The following CDK3 variants were observed in gnomAD, a reference collection of about 807,000 sequenced individuals.
The protein encoded by CDK3 is cyclin dependent kinase 3, also known as cyclin-dependent kinase 3.
A neutral mutation model predicts 30.2 loss-of-function variants in CDK3; 24 were observed. The observed-to-expected ratio is 0.79, with a 90% CI of 0.57 to 1.12. The LOEUF (loss-of-function observed/expected upper bound fraction) is 1.12. Ranked by LOEUF, CDK3 falls within the 50% of genes most tolerant of loss-of-function variation. CDK3 has a pLI of 0.00. For missense variants in CDK3, 345 were observed against 376.0 expected, an observed-to-expected ratio of 0.92 and a Z score of 0.68; for synonymous variants, 158 against 154.2, an observed-to-expected ratio of 1.02 and a Z score of -0.18.
At position 76,001,182 on chromosome 17, in the gene CDK3, G is replaced by T; in HGVS notation, c.-15+215G>T. ...CTGGCTGAACTGGGCTGGGTGAAGG[G>T]GGCCCCCTGACCCCCTTGGGGTCCG... On this transcript the variant is annotated intron_variant, in intron 1 of 7. Transcript: ENST00000448471. The surrounding 1 kb of genome is among the most constrained non-coding windows in gnomAD (Gnocchi z 6.2). 7.3e-7 allele frequency: 1 copy of T among 1,361,614 alleles called. No homozygotes were observed. Among genetic ancestry groups the T allele is most frequent in the Non-Finnish European group, 9.5e-7 (1 of 1,054,132 alleles). 84.3% of individuals were successfully genotyped at this position (1,361,614 alleles called of 1,614,324 possible). A position where few individuals can be genotyped will look rare whatever the true frequency, so the allele number is the denominator to read the frequency against.
Position 76,005,350 on chromosome 17 carries a change from C to G in CDK3, c.845C>G (p.Ala282Gly). Residue 282 changes from alanine to glycine, a missense_variant, in exon 8 of 8, where the codon GCC becomes GGC. Coordinates refer to ENST00000448471, the MANE Select transcript of CDK3 (RefSeq NM_001258.4). The surrounding 1 kb of genome is among the most constrained non-coding windows in gnomAD (Gnocchi z 4.7). The stretch of plus-strand genomic sequence containing the variant: ...CGGATCACAGCCAAGACTGCCCTGG[C>G]CCACCCGTACTTCTCATCCCCTGAG... ...SQRITAKTAL[A>G]HPYFSSPEPS... The G allele has an allele frequency of 6.2e-7, 1 of 1,614,114 alleles. No homozygotes were observed. The highest frequency in any genetic ancestry group is 1.1e-5 in the South Asian group (1 of 91,084).
chr17:76,001,848 C>T lies in CDK3; in HGVS notation c.117-26C>T. 1 of 1,606,542 alleles carries T rather than the reference C, an allele frequency of 6.2e-7. No homozygotes were observed. Among genetic ancestry groups the T allele is most frequent in the Non-Finnish European group, 8.5e-7 (1 of 1,174,368 alleles). On this transcript the variant is annotated intron_variant, in intron 2 of 7. Transcript: ENST00000448471. The surrounding 1 kb of genome is among the most constrained non-coding windows in gnomAD (Gnocchi z 6.2). Reference sequence around the variant, plus strand: ...GCCCTTCTTGGCCCAAGTCTCTGCCCACGGCTGTGCCCTTGTTTCTTGCAG... The same window carrying T: ...GCCCTTCTTGGCCCAAGTCTCTGCCTACGGCTGTGCCCTTGTTTCTTGCAG...
In CDK3 at chr17:76,001,704, T is replaced by C. The variant is rs1013831167; in HGVS notation, c.116+163T>C. On this transcript the variant is annotated intron_variant, in intron 2 of 7. Coordinates refer to ENST00000448471, the MANE Select transcript of CDK3 (RefSeq NM_001258.4). The surrounding 1 kb of genome is among the most constrained non-coding windows in gnomAD (Gnocchi z 6.2). The stretch of plus-strand genomic sequence containing the variant: ...CAGTTCACTGCCTTCTGACCAGCCT[T>C]TGCCGGGGCCCTGACTGTGGAGTTT... 3 of 893,992 alleles carry C rather than the reference T, an allele frequency of 3.4e-6. No homozygotes were observed. Among genetic ancestry groups the C allele is most frequent in the African/African-American group, 1.7e-5 (1 of 59,418 alleles). The allele number at this position is 893,992 out of a possible 1,614,324, so 55.4% of individuals were successfully genotyped here.
At position 76,005,059 on chromosome 17, in the gene CDK3, G is replaced by A. The variant is rs2066300423; in HGVS notation, c.793-239G>A. On this transcript the variant is annotated intron_variant, in intron 7 of 7. Coordinates refer to ENST00000448471, the MANE Select transcript of CDK3 (RefSeq NM_001258.4). The surrounding 1 kb of genome is among the most constrained non-coding windows in gnomAD (Gnocchi z 4.7). The stretch of plus-strand genomic sequence containing the variant: ...CAGGCTGGGACCTGGGACCCTCCCC[G>A]AGAAGGGGGGTGACTCAGCTTCAGT... 6.6e-6 allele frequency among the ~76,000 whole-genome samples: 1 copy of A among 152,150 alleles called. No homozygotes were observed. The highest frequency in any genetic ancestry group is 2.4e-5 in the African/African-American group (1 of 41,428).
rs1218787281 is a variant in CDK3, at chr17:76,002,301, C to T, written c.369C>T (p.Val123=). 6.2e-7 allele frequency: 1 copy of T among 1,612,036 alleles called. No individual in the cohort carries two copies. Among genetic ancestry groups the T allele is most frequent in the South Asian group, 1.1e-5 (1 of 91,044 alleles). ...QGVSFCHSHR[V]IHRDLKPQNL... ...TGAGTTTCTGCCACTCACATCGGGT[C>T]ATCCACCGAGACCTGAAGCCCCAGA... The change falls in exon 5 of 8, where the codon GTC becomes GTT. Residue 123 remains valine, a synonymous_variant. Coordinates refer to ENST00000448471, the MANE Select transcript of CDK3 (RefSeq NM_001258.4). The surrounding 1 kb of genome is among the most constrained non-coding windows in gnomAD (Gnocchi z 4.3).
chr17:76,004,877 A>C (rs546454272), intron 7 of CDK3, among the ~76,000 whole-genome samples: 172 of 152,254 alleles, frequency 1.1e-3, no homozygotes, highest in African/African-American at 3.7e-3. Context: ...GGGTCCTTCC[A>C]CATCCTGTCT....
rs1398274908 is a variant in CDK3, at chr17:76,005,277, T to A, written c.793-21T>A. ...ACCCTGGCTGCACCCAGACCACATCTTCTTCCTTCTTTCTTCCTAGCAACT... is the reference window on the plus strand; with the variant it reads ...ACCCTGGCTGCACCCAGACCACATCATCTTCCTTCTTTCTTCCTAGCAACT... On this transcript the variant is annotated intron_variant, in intron 7 of 7. Transcript: ENST00000448471. This position sits in a 1 kb window ranked among gnomAD's most constrained non-coding sequence, Gnocchi z 4.7. 1.2e-6 allele frequency: 2 copies of A among 1,612,180 alleles called. No individual in the cohort carries two copies. Among genetic ancestry groups the A allele is most frequent in the Admixed American group, 1.7e-5 (1 of 59,874 alleles).
Position 76,001,356 on chromosome 17 carries a change from A to G in CDK3, c.-14-56A>G. ...CAGGGCGCCACATGGAAGCTGGAGG[A>G]GCAACGGGAGCGCTGGGCGTGGGGT... is the stretch of plus-strand genomic sequence containing the variant. On this transcript the variant is annotated intron_variant, in intron 1 of 7. Coordinates refer to ENST00000448471, the MANE Select transcript of CDK3 (RefSeq NM_001258.4). The surrounding 1 kb of genome is among the most constrained non-coding windows in gnomAD (Gnocchi z 6.2). 1.2e-6 allele frequency: 2 copies of G among 1,607,106 alleles called. No homozygotes were observed. The highest frequency in any genetic ancestry group is 1.7e-6 in the Non-Finnish European group (2 of 1,177,278).
chr17:76,001,150 G>T lies in CDK3; in HGVS notation c.-15+183G>T. On this transcript the variant is annotated intron_variant, in intron 1 of 7. Coordinates refer to ENST00000448471, the MANE Select transcript of CDK3 (RefSeq NM_001258.4). This position sits in a 1 kb window ranked among gnomAD's most constrained non-coding sequence, Gnocchi z 6.2. ...GAGGCCGGGCATGGGCGAGAAGCCT[G>T]GGGGTCCTGGCTGAACTGGGCTGGG... 1 of 1,300,976 alleles carries T rather than the reference G, an allele frequency of 7.7e-7. No homozygotes were observed. Among genetic ancestry groups the T allele is most frequent in the Non-Finnish European group, 9.8e-7 (1 of 1,015,436 alleles). 80.6% of individuals were successfully genotyped at this position (1,300,976 alleles called of 1,614,324 possible).
At position 76,002,696 on chromosome 17, in the gene CDK3, C is replaced by T. The variant is rs531317436; in HGVS notation, c.588+84C>T. 23 of 747,162 alleles carry T rather than the reference C, an allele frequency of 3.1e-5. No homozygotes were observed. The highest frequency in any genetic ancestry group is 1.8e-4 in the Admixed American group (10 of 54,550). 46.3% of individuals were successfully genotyped at this position (747,162 alleles called of 1,614,324 possible). On this transcript the variant is annotated intron_variant, in intron 6 of 7. Coordinates refer to ENST00000448471, the MANE Select transcript of CDK3 (RefSeq NM_001258.4). This position sits in a 1 kb window ranked among gnomAD's most constrained non-coding sequence, Gnocchi z 4.3. ...GGTGGGGTCCACTGATGCTCCCATTCGAGGCGGATTAAAGAGTGTTTGGGG... is the reference window on the plus strand; with the variant it reads ...GGTGGGGTCCACTGATGCTCCCATTTGAGGCGGATTAAAGAGTGTTTGGGG...
Position 76,002,505 on chromosome 17 carries a change from C to T in CDK3, c.487-6C>T, listed in dbSNP as rs370317479. On this transcript the variant is annotated splice_region_variant and splice_polypyrimidine_tract_variant and intron_variant, in intron 5 of 7. Transcript: ENST00000448471. The surrounding 1 kb of genome is among the most constrained non-coding windows in gnomAD (Gnocchi z 4.3). ...CCCTGAGTGATACTGTTTCTTTGCC[C>T]TGCAGGTGGTGACACTGTGGTATCG... 6.7e-7 allele frequency: 1 copy of T among 1,490,528 alleles called. No individual in the cohort carries two copies. Among genetic ancestry groups the T allele is most frequent in the African/African-American group, 1.4e-5 (1 of 72,688 alleles). The allele number at this position is 1,490,528 out of a possible 1,614,324, so 92.3% of individuals were successfully genotyped here.
Position 76,001,748 on chromosome 17 carries a change from G to A in CDK3, c.117-126G>A. The A allele has an allele frequency of 1.0e-6, 1 of 1,000,042 alleles. No individual in the cohort carries two copies. Among genetic ancestry groups the A allele is most frequent in the Middle Eastern group, 3.3e-4 (1 of 3,066 alleles). The allele number at this position is 1,000,042 out of a possible 1,614,324, so 61.9% of individuals were successfully genotyped here. ...GGAGTTTGGTGGATGACGTGCCAAG[G>A]AGCACAGGTCTCCATTGCCGGGGCC... On this transcript the variant is annotated intron_variant, in intron 2 of 7. Coordinates refer to ENST00000448471, the MANE Select transcript of CDK3 (RefSeq NM_001258.4). This position sits in a 1 kb window ranked among gnomAD's most constrained non-coding sequence, Gnocchi z 6.2.
chr17:76,001,317 T>C lies in CDK3; in HGVS notation c.-14-95T>C, dbSNP rs779501992. The C allele has an allele frequency of 3.2e-6, 5 of 1,549,338 alleles. No individual in the cohort carries two copies. In the South Asian group the frequency reaches 5.9e-5, roughly 18 times the overall value. On this transcript the variant is annotated intron_variant, in intron 1 of 7. Transcript: ENST00000448471. The surrounding 1 kb of genome is among the most constrained non-coding windows in gnomAD (Gnocchi z 6.2). ...GCCTTGGGAGCTGGGCAGTCTGGGC[T>C]GGGCTGGGCTGGGCAGGGCGCCACA...
At position 76,002,119 on chromosome 17, in the gene CDK3, G is replaced by GA. The variant is rs1567901787; in HGVS notation, c.293dup (p.Leu99AlafsTer39). On this transcript the variant is annotated frameshift_variant, in exon 4 of 8. Coordinates refer to ENST00000448471, the MANE Select transcript of CDK3 (RefSeq NM_001258.4). LOFTEE classifies it high-confidence loss of function. The surrounding 1 kb of genome is among the most constrained non-coding windows in gnomAD (Gnocchi z 4.3). ...GTACATGGACTCCACCCCAGGCTCAGAGCTCCCCCTGCACCTCATCAAGGT... is the reference window on the plus strand; with the variant it reads ...GTACATGGACTCCACCCCAGGCTCAGAAGCTCCCCCTGCACCTCATCAAGGT... The GA allele has an allele frequency of 6.2e-7, 1 of 1,613,996 alleles. No individual in the cohort carries two copies. The highest frequency in any genetic ancestry group is 8.5e-7 in the Non-Finnish European group (1 of 1,179,990).
rs2066274113 is a variant in CDK3 at position 76,002,832 on chromosome 17, C to T, written c.588+220C>T. 1 of 557,332 alleles carries T rather than the reference C, an allele frequency of 1.8e-6. No individual in the cohort carries two copies. The highest frequency in any genetic ancestry group is 3.2e-6 in the Non-Finnish European group (1 of 310,904). 34.5% of individuals were successfully genotyped at this position (557,332 alleles called of 1,614,324 possible). A position where few individuals can be genotyped will look rare whatever the true frequency, so the allele number is the denominator to read the frequency against. ...TGGGCAACGTAACAAATCCCCAGCT[C>T]TTAAAAAACTACAAAAATTAGCTGG... On this transcript the variant is annotated intron_variant, in intron 6 of 7. Coordinates refer to ENST00000448471, the MANE Select transcript of CDK3 (RefSeq NM_001258.4). This position sits in a 1 kb window ranked among gnomAD's most constrained non-coding sequence, Gnocchi z 4.3.
Position 76,001,607 on chromosome 17 carries a change from C to A in CDK3, c.116+66C>A. On this transcript the variant is annotated intron_variant, in intron 2 of 7. Transcript: ENST00000448471. The surrounding 1 kb of genome is among the most constrained non-coding windows in gnomAD (Gnocchi z 6.2). Reference sequence around the variant, plus strand: ...ATCACAACCTGGGCGCTCCCTGATCCGTTCCCTCTTTCCTGGAGTCCACGT... The same window carrying A: ...ATCACAACCTGGGCGCTCCCTGATCAGTTCCCTCTTTCCTGGAGTCCACGT... 7.4e-7 allele frequency: 1 copy of A among 1,358,058 alleles called. No homozygotes were observed. The highest frequency in any genetic ancestry group is 1.0e-6 in the Non-Finnish European group (1 of 961,778). The allele number at this position is 1,358,058 out of a possible 1,614,324, so 84.1% of individuals were successfully genotyped here. A position where few individuals can be genotyped will look rare whatever the true frequency, so the allele number is the denominator to read the frequency against.
chr17:76,003,717 C>G (rs1030035123), intron 7 of CDK3, among the ~76,000 whole-genome samples: 2 of 152,172 alleles, frequency 1.3e-5, no homozygotes, highest in Non-Finnish European at 2.9e-5. Flanking sequence ...AGCTGTATGC[C>G]TCCCCAGGCT....
Position 76,002,061 on chromosome 17 carries a change from G to A in CDK3, c.234G>A (p.Leu78=). The A allele has an allele frequency of 6.2e-7, 1 of 1,614,002 alleles. No homozygotes were observed. Among genetic ancestry groups the A allele is most frequent in the Non-Finnish European group, 8.5e-7 (1 of 1,179,994 alleles). ...DVVHNERKLY[L]VFEFLSQDLK... ...TGCACAACGAGAGGAAGCTCTATCT[G>A]GTGTTTGAGTTCCTCAGCCAGGACC... The change falls in exon 4 of 8, where the codon CTG becomes CTA. Residue 78 remains leucine, a synonymous_variant. Transcript: ENST00000448471. The surrounding 1 kb of genome is among the most constrained non-coding windows in gnomAD (Gnocchi z 4.3).
In CDK3 at chr17:76,001,453, A is replaced by G; in HGVS notation, c.28A>G (p.Ile10Val). Residue 10 changes from isoleucine (I) to valine (V), a missense_variant, in exon 2 of 8, where the codon ATC becomes GTC. By Grantham distance (29) the Ile-to-Val change is conservative. Coordinates refer to ENST00000448471, the MANE Select transcript of CDK3 (RefSeq NM_001258.4). This position sits in a 1 kb window ranked among gnomAD's most constrained non-coding sequence, Gnocchi z 6.2. ...GGATATGTTCCAGAAGGTAGAGAAG[A>G]TCGGAGAGGGCACCTATGGGGTGGT... The part of the protein sequence containing the change: MDMFQKVEK[I>V]GEGTYGVVYK... 1 of 1,614,076 alleles carries G rather than the reference A, an allele frequency of 6.2e-7. No individual in the cohort carries two copies. Among genetic ancestry groups the G allele is most frequent in the Non-Finnish European group, 8.5e-7 (1 of 1,179,968 alleles).
Sources: allele counts gnomAD v4.1 joint callset (sites outside exome capture counted in the v4.1 genomes callset), GRCh38; gene constraint gnomAD v4.1.1; non-coding constraint Gnocchi (gnomAD v3.1); transcripts MANE v1.5; gene names NCBI Gene and HGNC (gene_info 2026-07-23, HGNC 2026-07-21).